The following ENTPD7 variants were observed in gnomAD, a reference collection of about 807,000 sequenced individuals.
ENTPD7 encodes NTPDase 7.
Under a neutral mutation model 77.9 loss-of-function variants are expected in ENTPD7, and 53 were observed. That is an observed-to-expected ratio of 0.68 (90% CI 0.55 to 0.85). The LOEUF (loss-of-function observed/expected upper bound fraction) is 0.85. Ranked by LOEUF, ENTPD7 falls within the 40% of genes least tolerant of loss-of-function variation. The probability of loss-of-function intolerance (pLI) is 0.00; values close to 1 mark genes in which losing one functional copy is unlikely to be tolerated. For missense variants in ENTPD7, 636 were observed against 743.7 expected (o/e 0.86, Z 1.68); for synonymous variants, 248 against 274.9 (o/e 0.90, Z 0.97).
intron 3 of ENTPD7, among the ~76,000 whole-genome samples, chr10:99,673,702 A>G (rs547133837): frequency 2.0e-5 from 3 of 152,354 alleles, no homozygotes; most frequent in Admixed American, 6.5e-5. Context: ...TTTTGGCAGG[A>G]ATCAGAGAGG....
At position 99,706,624 on chromosome 10, in the gene ENTPD7, T is replaced by C. The variant is rs1016828611; in HGVS notation, c.*1941T>C. ...TGCTGGGATTACAAGCATGAGCTACTGCACCTGCCCTCTGTTTCCTTTGGA... is the reference window on the plus strand; with the variant it reads ...TGCTGGGATTACAAGCATGAGCTACCGCACCTGCCCTCTGTTTCCTTTGGA... On this transcript the variant is annotated 3_prime_UTR_variant, in exon 13 of 13. Transcript: ENST00000370489. 1.3e-5 allele frequency among the ~76,000 whole-genome samples: 2 copies of C among 152,194 alleles called. No individual in the cohort carries two copies.
chr10:99,687,325 G>A (rs914278988), intron 6 of ENTPD7, among the ~76,000 whole-genome samples: 2 of 118,690 alleles, frequency 1.7e-5, no homozygotes, highest in African/African-American at 6.6e-5. Flanking sequence ...GGAGTGCAGT[G>A]TCGTGGTCTC....
chr10:99,700,729 C>T (rs1386022866), intron 10 of ENTPD7: 2 of 546,242 alleles, frequency 3.7e-6, no homozygotes, highest in Non-Finnish European at 6.5e-6. Flanking sequence ...TTAGTCCTAA[C>T]CTCAGCCCCT....
At chr10:99,660,511 C>A in intron 2 of ENTPD7, 1 of 437,224 alleles carries the variant, frequency 2.3e-6, no homozygotes, top group Non-Finnish European at 4.4e-6. Flanking sequence ...TGTGTAAAAC[C>A]GAGGGAATGG....
intron 10 of ENTPD7, among the ~76,000 whole-genome samples, chr10:99,699,330 G>A (rs1260981828): frequency 6.6e-6 from 1 of 152,176 alleles, no homozygotes; most frequent in Non-Finnish European, 1.5e-5. Context: ...GGGAATATTA[G>A]ATGTTGTAAA....
chr10:99,709,249 G>T lies in ENTPD7; in HGVS notation c.*4566G>T, dbSNP rs2036312044. 1.0e-6 allele frequency: 1 copy of T among 984,852 alleles called. No individual in the cohort carries two copies. Among genetic ancestry groups the T allele is most frequent in the Middle Eastern group, 5.2e-4 (1 of 1,914 alleles). 61.0% of individuals were successfully genotyped at this position (984,852 alleles called of 1,614,324 possible). On this transcript the variant is annotated 3_prime_UTR_variant, in exon 13 of 13. Transcript: ENST00000370489. ...CCAGACTCTGTTACAGAAACAGAGG[G>T]CTGTTTCTTTTTGTTGTCTTTAAAC... is the stretch of plus-strand genomic sequence containing the variant.
intron 2 of ENTPD7, chr10:99,660,534 A>T: frequency 8.6e-6 from 2 of 232,906 alleles, no homozygotes; most frequent in Non-Finnish European, 1.7e-5. Context: ...ACGCACACAC[A>T]CACACACACA....
At chr10:99,663,537 G>T (rs1371209149) in intron 3 of ENTPD7, among the ~76,000 whole-genome samples, 1 of 150,178 alleles carries the variant, frequency 6.7e-6, no homozygotes, top group African/African-American at 2.5e-5. Context: ...ATAGCCCGCT[G>T]CAGCCTCAAT....
intron 2 of ENTPD7, chr10:99,660,320 A>G: frequency 5.0e-6 from 6 of 1,198,826 alleles, no homozygotes; most frequent in Non-Finnish European, 6.3e-6. Flanking sequence ...AAGCAGACAG[A>G]CCGAGGTCCT....
At chr10:99,700,281 T>A (rs552435112) in intron 10 of ENTPD7, among the ~76,000 whole-genome samples, 2 of 152,154 alleles carry the variant, frequency 1.3e-5, no homozygotes, top group Non-Finnish European at 2.9e-5. Context: ...AAACGTTATC[T>A]TCCCAGAGCC....
intron 5 of ENTPD7, among the ~76,000 whole-genome samples, chr10:99,681,804 T>G (rs958758622): frequency 2.0e-5 from 3 of 152,306 alleles, no homozygotes; most frequent in Admixed American, 1.3e-4. Flanking sequence ...TGAGCAACTT[T>G]TCATATGCCT....
rs1158052179 is a variant in ENTPD7, at chr10:99,688,748, A to T, written c.707A>T (p.Asp236Val). 1 of 1,613,888 alleles carries T rather than the reference A, an allele frequency of 6.2e-7. No individual in the cohort carries two copies. The highest frequency in any genetic ancestry group is 8.5e-7 in the Non-Finnish European group (1 of 1,179,832). ...GTTTTGGGAAGATTCGACCACGAGG[A>T]TGGTGAGTAATATTGTCTTTTTATG... ...NFVLGRFDHE[D>V]ESDAEATQEL... The change falls in exon 7 of 13, where the codon GAT becomes GTT. Residue 236 changes from aspartate to valine, a missense_variant and splice_region_variant. Physicochemically the swap from Asp to Val is radical, Grantham distance 152 (BLOSUM62 -3). Around this residue, in one of 3 missense-constraint regions of ENTPD7, gnomAD observed 486 missense variants for 556.5 expected, o/e 0.87. Transcript: ENST00000370489.
intron 11 of ENTPD7, among the ~76,000 whole-genome samples, chr10:99,701,460 G>A (rs568118558): frequency 2.0e-5 from 3 of 151,648 alleles, no homozygotes; most frequent in Admixed American, 6.6e-5. Flanking sequence ...GCCAATTTTT[G>A]TATTTTTTTG....
intron 3 of ENTPD7, among the ~76,000 whole-genome samples, chr10:99,669,888 T>C (rs1045504788): frequency 2.0e-5 from 3 of 151,844 alleles, no homozygotes; most frequent in African/African-American, 7.3e-5. Flanking sequence ...TAGCTGGGAC[T>C]ACAGGCACCC....
In ENTPD7 at chr10:99,709,490, A is replaced by G; in HGVS notation, c.*4807A>G. 1 of 985,378 alleles carries G rather than the reference A, an allele frequency of 1.0e-6. No homozygotes were observed. Among genetic ancestry groups the G allele is most frequent in the Non-Finnish European group, 1.2e-6 (1 of 829,868 alleles). The allele number at this position is 985,378 out of a possible 1,614,324, so 61.0% of individuals were successfully genotyped here. On this transcript the variant is annotated 3_prime_UTR_variant, in exon 13 of 13. Transcript: ENST00000370489. Reference sequence around the variant, plus strand: ...CAAAAAATATTGCTGTTAAAAAACTAAGACTCAAAACCAAAAGTTGTGATT... The same window carrying G: ...CAAAAAATATTGCTGTTAAAAAACTGAGACTCAAAACCAAAAGTTGTGATT...
chr10:99,692,926 G>A (rs980628450), intron 8 of ENTPD7, among the ~76,000 whole-genome samples: 2 of 152,132 alleles, frequency 1.3e-5, no homozygotes, highest in African/African-American at 2.4e-5. Flanking sequence ...AAAAATTTTT[G>A]TGTCAGTAGG....
chr10:99,676,245 T>C (rs887682990), intron 3 of ENTPD7, among the ~76,000 whole-genome samples: 2 of 152,074 alleles, frequency 1.3e-5, no homozygotes, highest in African/African-American at 4.8e-5. Flanking sequence ...TATTTATATG[T>C]AATGAGTTTA....
At chr10:99,682,066 G>A (rs1216483351) in intron 5 of ENTPD7, among the ~76,000 whole-genome samples, 1 of 152,090 alleles carries the variant, frequency 6.6e-6, no homozygotes, top group Non-Finnish European at 1.5e-5. Context: ...TTGGTTGCCT[G>A]TGCCTTTTGG....
At chr10:99,704,367 C>A in intron 12 of ENTPD7, 85 bp from the exon 13 acceptor site, 1 of 1,306,128 alleles carries the variant, frequency 7.7e-7, no homozygotes, top group South Asian at 1.2e-5. Flanking sequence ...AATGTGATAA[C>A]ACTACTGGGC....
Sources: allele counts gnomAD v4.1 joint callset (sites outside exome capture counted in the v4.1 genomes callset), GRCh38; gene constraint gnomAD v4.1.1; regional missense constraint gnomAD v4.1.1; transcripts MANE v1.5; gene names NCBI Gene and HGNC (gene_info 2026-07-23, HGNC 2026-07-21).